CACNG3: variants seen among roughly 807,000 people sequenced by gnomAD.
The protein encoded by CACNG3 is voltage-dependent calcium channel gamma-3 subunit.
In CACNG3, 3 loss-of-function variants were observed where a neutral mutation model predicts 28.5. The observed-to-expected ratio is 0.11, with a 90% CI of 0.05 to 0.27. The LOEUF is 0.27. Among genes scored for constraint, CACNG3 ranks in the 10% least tolerant of loss-of-function variants. CACNG3 has a pLI of 1.00. For synonymous variants in CACNG3, 174 were observed against 162.2 expected (o/e 1.07, Z -0.55); for missense variants, 236 against 414.4 (o/e 0.57, Z 3.74).
chr16:24,360,862 C>A (rs1438725420), intron 3 of CACNG3, among the ~76,000 whole-genome samples: 9 of 152,122 alleles, frequency 5.9e-5, no homozygotes, highest in Non-Finnish European at 1.2e-4. Context: ...ATCTTCAGTG[C>A]CAGGTTCTTA....
intron 1 of CACNG3, among the ~76,000 whole-genome samples, chr16:24,326,809 C>T (rs958240778): frequency 6.6e-6 from 1 of 152,202 alleles, no homozygotes; most frequent in East Asian, 1.9e-4. Context: ...AGAATGGAAG[C>T]TCCTCTGGCA....
At chr16:24,347,830 G>A (rs1391135024) in intron 2 of CACNG3, among the ~76,000 whole-genome samples, 1 of 152,198 alleles carries the variant, frequency 6.6e-6, no homozygotes, top group Non-Finnish European at 1.5e-5. Flanking sequence ...GGTTGGACTT[G>A]AGGCAAGGGG....
At chr16:24,257,952 A>G (rs1398684089) in intron 1 of CACNG3, among the ~76,000 whole-genome samples, 1 of 152,216 alleles carries the variant, frequency 6.6e-6, no homozygotes, top group Non-Finnish European at 1.5e-5. Flanking sequence ...AAGATAAGGA[A>G]GAAAATCAAA....
At chr16:24,345,269 C>G (rs1899846249) in intron 1 of CACNG3, among the ~76,000 whole-genome samples, 1 of 152,202 alleles carries the variant, frequency 6.6e-6, no homozygotes, top group Non-Finnish European at 1.5e-5. Flanking sequence ...TCCACTCCAG[C>G]TACACAGACA....
At chr16:24,356,853 A>G (rs1420605982) in intron 3 of CACNG3, among the ~76,000 whole-genome samples, 1 of 152,214 alleles carries the variant, frequency 6.6e-6, no homozygotes, top group East Asian at 1.9e-4. Flanking sequence ...ACAGTTCCAC[A>G]TGGTTGAGGA....
chr16:24,357,879 C>G (rs1373950735), intron 3 of CACNG3, among the ~76,000 whole-genome samples: 1 of 152,038 alleles, frequency 6.6e-6, no homozygotes, highest in East Asian at 1.9e-4. Flanking sequence ...GAGTGTGTCA[C>G]CAGCAACTTT....
chr16:24,356,832 T>C (rs1322295877), intron 3 of CACNG3, among the ~76,000 whole-genome samples: 2 of 152,086 alleles, frequency 1.3e-5, no homozygotes, highest in Admixed American at 6.6e-5. Context: ...GGAAAGAAGT[T>C]TAATTGACTC....
At chr16:24,351,176 A>G (rs1318369562) in intron 2 of CACNG3, among the ~76,000 whole-genome samples, 1 of 152,196 alleles carries the variant, frequency 6.6e-6, no homozygotes, top group Non-Finnish European at 1.5e-5. Flanking sequence ...GGCAAGGAAG[A>G]GGATTTGGCC....
At chr16:24,330,939 C>A (rs1039975446) in intron 1 of CACNG3, among the ~76,000 whole-genome samples, 7 of 152,210 alleles carry the variant, frequency 4.6e-5, no homozygotes, top group African/African-American at 1.7e-4. Flanking sequence ...GGAAGATCAA[C>A]ACACATCTGG....
At chr16:24,292,225 A>G (rs1369162328) in intron 1 of CACNG3, among the ~76,000 whole-genome samples, 1 of 152,182 alleles carries the variant, frequency 6.6e-6, no homozygotes, top group African/African-American at 2.4e-5. Context: ...CGATTTTTCA[A>G]TCGTTCCTCA....
At chr16:24,264,757 G>A (rs942361978) in intron 1 of CACNG3, among the ~76,000 whole-genome samples, 1 of 152,206 alleles carries the variant, frequency 6.6e-6, no homozygotes, top group Non-Finnish European at 1.5e-5. Context: ...GACAAAACTG[G>A]AAGTTTTAAC....
In CACNG3 at chr16:24,361,368, T is replaced by C. The variant is rs946560806; in HGVS notation, c.453T>C (p.Ile151=). Residue 151 remains isoleucine, a synonymous_variant, in exon 4 of 4, where the codon ATT becomes ATC. Transcript: ENST00000005284. The surrounding 1 kb of genome is among the most constrained non-coding windows in gnomAD (Gnocchi z 6.8). Reference sequence around the variant, plus strand: ...TTCTCTTAGGGTTAAGCAACATCATTGGCATCATAGTTTATATATCAGCCA... The same window carrying C: ...TTCTCTTAGGGTTAAGCAACATCATCGGCATCATAGTTTATATATCAGCCA... ...FFVSAGLSNI[I]GIIVYISANA... 1.2e-6 allele frequency: 2 copies of C among 1,602,084 alleles called. No individual in the cohort carries two copies. The highest frequency in any genetic ancestry group is 1.7e-6 in the Non-Finnish European group (2 of 1,174,634).
At chr16:24,264,318 G>T (rs1350758038) in intron 1 of CACNG3, among the ~76,000 whole-genome samples, 1 of 152,220 alleles carries the variant, frequency 6.6e-6, no homozygotes, top group Non-Finnish European at 1.5e-5. Context: ...AGGGAGGAGG[G>T]TGTGTAATAA....
intron 1 of CACNG3, among the ~76,000 whole-genome samples, chr16:24,311,704 AAATTAGCTGG>A (rs910940068): frequency 2.0e-5 from 3 of 151,750 alleles, no homozygotes; most frequent in Non-Finnish European, 2.9e-5. Flanking sequence ...AGAAATACAA[AAATTAGCTGG>A]GCATGGTGGC....
chr16:24,340,909 G>T (rs946545416), intron 1 of CACNG3, among the ~76,000 whole-genome samples: 1 of 152,154 alleles, frequency 6.6e-6, no homozygotes, highest in Non-Finnish European at 1.5e-5. Context: ...AAACGCCATT[G>T]ATCTTTTTCC....
chr16:24,315,441 GCCTT>G (rs200347903), intron 1 of CACNG3, among the ~76,000 whole-genome samples: 3,691 of 100,190 alleles, frequency 0.037, 89 homozygotes, highest in South Asian at 0.089. Context: ...CTCCCTCCCT[GCCTT>G]CCTTCCTTCC....
At chr16:24,346,679 G>GT (rs35638594) in intron 1 of CACNG3, 55 bp from the exon 2 acceptor site, 4 of 1,339,304 alleles carry the variant, frequency 3.0e-6, no homozygotes, top group Non-Finnish European at 4.3e-6. Context: ...ACCCAGGCTG[G>GT]CCCCCAGAGC....
At chr16:24,267,538 G>A (rs944369186) in intron 1 of CACNG3, among the ~76,000 whole-genome samples, 1 of 151,922 alleles carries the variant, frequency 6.6e-6, no homozygotes, top group Non-Finnish European at 1.5e-5. Flanking sequence ...TTCTCCCACC[G>A]TGGCCTCCCA....
chr16:24,307,780 A>G (rs149779927), intron 1 of CACNG3, among the ~76,000 whole-genome samples: 202 of 152,306 alleles, frequency 1.3e-3, no homozygotes, highest in African/African-American at 4.3e-3. Context: ...GTCCCCATGC[A>G]TAACAGAATG....
Sources: allele counts gnomAD v4.1 joint callset (sites outside exome capture counted in the v4.1 genomes callset), GRCh38; gene constraint gnomAD v4.1.1; non-coding constraint Gnocchi (gnomAD v3.1); transcripts MANE v1.5; gene names NCBI Gene and HGNC (gene_info 2026-07-23, HGNC 2026-07-21).